SCARA5: variants seen among roughly 807,000 people sequenced by gnomAD.
SCARA5 encodes scavenger receptor class A, member 5 (putative).
Under a neutral mutation model 46.3 loss-of-function variants are expected in SCARA5, and 45 were observed. That is an observed-to-expected ratio of 0.97 (90% CI 0.76 to 1.24). The LOEUF (loss-of-function observed/expected upper bound fraction) is 1.24, where lower values mean the gene tolerates loss of function less well. Ranked by LOEUF, SCARA5 falls within the 50% of genes most tolerant of loss-of-function variation. The pLI, the probability that SCARA5 is intolerant of heterozygous loss-of-function variation, is 0.00. For synonymous variants in SCARA5, 333 were observed against 306.5 expected, an observed-to-expected ratio of 1.09 and a Z score of -0.90; for missense variants, 680 against 689.0, an observed-to-expected ratio of 0.99 and a Z score of 0.15.
chr8:27,930,653 C>T (rs180690191), intron 3 of SCARA5, among the ~76,000 whole-genome samples: 153 of 152,274 alleles, frequency 1.0e-3, no homozygotes, highest in African/African-American at 3.4e-3. Flanking sequence ...CCGCCCCCCT[C>T]GGCCACCCAA....
At chr8:27,931,633 T>C (rs1332596030) in intron 3 of SCARA5, among the ~76,000 whole-genome samples, 2 of 152,188 alleles carry the variant, frequency 1.3e-5, no homozygotes, top group African/African-American at 4.8e-5. Context: ...ACAGCTTTTT[T>C]CCTGCTTTTT....
intron 2 of SCARA5, among the ~76,000 whole-genome samples, chr8:27,974,842 T>C (rs1466127571): frequency 1.3e-5 from 2 of 151,218 alleles, no homozygotes; most frequent in Admixed American, 6.6e-5. Context: ...GGGAAACAAG[T>C]CTCCCTGGAG....
chr8:27,923,295 G>A (rs1411451579), intron 3 of SCARA5, among the ~76,000 whole-genome samples: 2 of 152,158 alleles, frequency 1.3e-5, no homozygotes, highest in Non-Finnish European at 2.9e-5. Context: ...TTCTGCTCAC[G>A]TGCTGTGCCA....
At chr8:27,931,194 A>G (rs1451069821) in intron 3 of SCARA5, among the ~76,000 whole-genome samples, 1 of 152,252 alleles carries the variant, frequency 6.6e-6, no homozygotes, top group African/African-American at 2.4e-5. Flanking sequence ...TGACCCTGGG[A>G]TGCAGGAGAA....
chr8:27,899,913 A>G (rs1429766881), intron 7 of SCARA5, among the ~76,000 whole-genome samples: 1 of 152,208 alleles, frequency 6.6e-6, no homozygotes, highest in Non-Finnish European at 1.5e-5. Context: ...CGAGGCAGGC[A>G]GATCACCTGA....
At chr8:27,981,319 G>A (rs974469805) in intron 2 of SCARA5, among the ~76,000 whole-genome samples, 6 of 152,324 alleles carry the variant, frequency 3.9e-5, no homozygotes, top group Non-Finnish European at 2.9e-5. Context: ...CAGCATTTGC[G>A]GGCTGTAACC....
At chr8:27,941,628 T>C (rs1394752985) in intron 3 of SCARA5, among the ~76,000 whole-genome samples, 20 of 151,934 alleles carry the variant, frequency 1.3e-4, no homozygotes, top group Admixed American at 1.2e-3. Context: ...TAACATCCTT[T>C]CCATGCACAC....
intron 7 of SCARA5, among the ~76,000 whole-genome samples, chr8:27,891,207 T>G (rs1302727933): frequency 0.011 from 704 of 64,514 alleles, 9 homozygotes; most frequent in African/African-American, 0.025. Flanking sequence ...TTGTTTTTTT[T>G]TTGTTTTTTT....
intron 7 of SCARA5, chr8:27,903,802 G>A (rs1254921952): frequency 3.0e-5 from 1 of 32,964 alleles, no homozygotes. Context: ...CTGAGTGTCC[G>A]GGGGGAAGCT....
intron 2 of SCARA5, among the ~76,000 whole-genome samples, chr8:27,979,086 T>C (rs1808572571): frequency 6.6e-6 from 1 of 152,132 alleles, no homozygotes; most frequent in Non-Finnish European, 1.5e-5. Flanking sequence ...ACCACGCCCC[T>C]ATGCCAATGG....
At chr8:27,962,018 G>A (rs572122956) in intron 3 of SCARA5, among the ~76,000 whole-genome samples, 12 of 152,116 alleles carry the variant, frequency 7.9e-5, no homozygotes, top group Non-Finnish European at 1.2e-4. Context: ...TCCTTGTTCC[G>A]TAAAGAATTA....
intron 2 of SCARA5, among the ~76,000 whole-genome samples, chr8:27,982,381 G>T (rs1384574058): frequency 6.6e-6 from 1 of 151,378 alleles, no homozygotes; most frequent in Non-Finnish European, 1.5e-5. Flanking sequence ...GGAAGGTGGG[G>T]GTGGGGTGGG....
At chr8:27,887,426 T>C (rs952196031) in intron 7 of SCARA5, among the ~76,000 whole-genome samples, 1 of 152,052 alleles carries the variant, frequency 6.6e-6, no homozygotes, top group African/African-American at 2.4e-5. Flanking sequence ...GTTTGCAAGT[T>C]AAGAGGATGG....
At chr8:27,924,429 C>G (rs1807649232) in intron 3 of SCARA5, among the ~76,000 whole-genome samples, 1 of 152,350 alleles carries the variant, frequency 6.6e-6, no homozygotes, top group Middle Eastern at 3.4e-3. Context: ...AAGCACACGG[C>G]ATTTGTGGTG....
chr8:27,952,196 C>T (rs2129903322), intron 3 of SCARA5, among the ~76,000 whole-genome samples: 1 of 152,228 alleles, frequency 6.6e-6, no homozygotes, highest in East Asian at 1.9e-4. Flanking sequence ...TGGCTGGCAC[C>T]CCCAGAAGCT....
At chr8:27,883,266 C>G (rs183790363) in intron 7 of SCARA5, among the ~76,000 whole-genome samples, 2 of 152,328 alleles carry the variant, frequency 1.3e-5, no homozygotes, top group African/African-American at 2.4e-5. Flanking sequence ...CTGAAAGAAG[C>G]CTTTGGATCA....
intron 7 of SCARA5, among the ~76,000 whole-genome samples, chr8:27,901,986 C>T (rs1047445647): frequency 4.6e-5 from 7 of 152,142 alleles, no homozygotes; most frequent in Admixed American, 1.3e-4. Context: ...CTTTGTTCTA[C>T]GATTCCTCTG....
chr8:27,971,714 G>A (rs1257911108), intron 2 of SCARA5, among the ~76,000 whole-genome samples: 2 of 152,108 alleles, frequency 1.3e-5, no homozygotes, highest in Non-Finnish European at 2.9e-5. Flanking sequence ...AAGGCCAGTG[G>A]CTCTGAGCAA....
At chr8:27,936,383 G>C in intron 3 of SCARA5, among the ~76,000 whole-genome samples, 1 of 151,880 alleles carries the variant, frequency 6.6e-6, no homozygotes, top group Middle Eastern at 3.2e-3. Flanking sequence ...GAGGTCAGGA[G>C]TTTGAGACCA....
Sources: allele counts gnomAD v4.1 joint callset (sites outside exome capture counted in the v4.1 genomes callset), GRCh38; gene constraint gnomAD v4.1.1; transcripts MANE v1.5; gene names NCBI Gene and HGNC (gene_info 2026-07-23, HGNC 2026-07-21).